CDK14: variants seen among roughly 807,000 people sequenced by gnomAD.
CDK14 encodes the protein cyclin dependent kinase 14.
CDK14 carries 34 observed loss-of-function variants against 60.7 expected under a neutral mutation model. The observed-to-expected ratio is 0.56, with a 90% CI of 0.43 to 0.75. The LOEUF (loss-of-function observed/expected upper bound fraction) is 0.75. Among genes scored for constraint, CDK14 ranks in the 30% least tolerant of loss-of-function variants. CDK14 has a pLI of 0.00. For missense variants in CDK14, 482 were observed against 564.1 expected, an observed-to-expected ratio of 0.85 and a Z score of 1.47; for synonymous variants, 197 against 203.7, an observed-to-expected ratio of 0.97 and a Z score of 0.28.
intron 6 of CDK14, among the ~76,000 whole-genome samples, chr7:90,888,204 G>T (rs920774639): frequency 8.6e-5 from 13 of 152,020 alleles, no homozygotes; most frequent in African/African-American, 2.9e-4. Flanking sequence ...ACAAAAATTA[G>T]CTGGGCATGG....
chr7:90,810,332 A>C (rs1290726726), intron 5 of CDK14, among the ~76,000 whole-genome samples: 1 of 152,220 alleles, frequency 6.6e-6, no homozygotes, highest in African/African-American at 2.4e-5. Context: ...AAATCAAAAA[A>C]ACGTAATCCA....
chr7:90,932,377 G>A (rs1179964558), intron 8 of CDK14, among the ~76,000 whole-genome samples: 2 of 152,086 alleles, frequency 1.3e-5, no homozygotes, highest in African/African-American at 2.4e-5. Context: ...TAAAATTATG[G>A]TCCAATTAAC....
At chr7:91,200,406 G>A (rs1802677715) in intron 14 of CDK14, among the ~76,000 whole-genome samples, 1 of 152,142 alleles carries the variant, frequency 6.6e-6, no homozygotes, top group Non-Finnish European at 1.5e-5. Flanking sequence ...AGATGAATTA[G>A]GTAAAACAAT....
chr7:91,010,574 GT>G (rs918488138), intron 10 of CDK14, among the ~76,000 whole-genome samples: 4 of 151,624 alleles, frequency 2.6e-5, no homozygotes, highest in African/African-American at 9.7e-5. Flanking sequence ...AATGAAATTG[GT>G]TTTTTTATAT....
At chr7:90,801,040 T>C (rs909802794) in intron 5 of CDK14, among the ~76,000 whole-genome samples, 4 of 152,240 alleles carry the variant, frequency 2.6e-5, no homozygotes, top group Non-Finnish European at 5.9e-5. Context: ...TTAACTTAGC[T>C]AATTATGTCT....
chr7:90,724,118 A>T (rs2116698668), intron 2 of CDK14, among the ~76,000 whole-genome samples: 1 of 151,222 alleles, frequency 6.6e-6, no homozygotes, highest in East Asian at 1.9e-4. Flanking sequence ...TGTCATAGAC[A>T]CAGGCCTATT....
chr7:91,118,744 G>A (rs892957405), intron 14 of CDK14, among the ~76,000 whole-genome samples: 1 of 152,178 alleles, frequency 6.6e-6, no homozygotes, highest in Non-Finnish European at 1.5e-5. Flanking sequence ...GTTTAGTTTA[G>A]CTCCCATCTG....
chr7:91,092,041 T>A (rs1362929951), intron 12 of CDK14, among the ~76,000 whole-genome samples: 1 of 152,168 alleles, frequency 6.6e-6, no homozygotes, highest in African/African-American at 2.4e-5. Context: ...TTAATCCTAT[T>A]TATTTGTCTT....
chr7:90,925,679 T>G (rs555947842), intron 8 of CDK14, among the ~76,000 whole-genome samples: 1 of 152,236 alleles, frequency 6.6e-6, no homozygotes, highest in East Asian at 1.9e-4. Context: ...CTGAACAACA[T>G]AGCAAGACCT....
At chr7:90,907,046 G>T (rs1245892059) in intron 7 of CDK14, among the ~76,000 whole-genome samples, 2 of 151,928 alleles carry the variant, frequency 1.3e-5, no homozygotes, top group Admixed American at 6.6e-5. Flanking sequence ...ATCAATTTTT[G>T]ACAAAGTAAT....
At chr7:91,060,779 T>C (rs1322879355) in intron 11 of CDK14, among the ~76,000 whole-genome samples, 1 of 152,248 alleles carries the variant, frequency 6.6e-6, no homozygotes, top group Non-Finnish European at 1.5e-5. Flanking sequence ...GCTGTTAGTA[T>C]GATGGGCTTC....
At chr7:90,645,251 T>A (rs1800439250) in intron 2 of CDK14, among the ~76,000 whole-genome samples, 1 of 152,196 alleles carries the variant, frequency 6.6e-6, no homozygotes, top group Admixed American at 6.5e-5. Context: ...CCTCAGTTTT[T>A]TTCAGGTATT....
chr7:91,027,477 A>G (rs1164349828), intron 10 of CDK14, among the ~76,000 whole-genome samples: 4 of 152,120 alleles, frequency 2.6e-5, no homozygotes, highest in South Asian at 2.1e-4. Flanking sequence ...TTTCAACTCT[A>G]TGTAATTTAC....
intron 8 of CDK14, among the ~76,000 whole-genome samples, chr7:90,929,244 C>T (rs1388067036): frequency 6.6e-6 from 1 of 152,238 alleles, no homozygotes; most frequent in South Asian, 2.1e-4. Flanking sequence ...ATGAGATGAA[C>T]GTGGTACCTC....
At chr7:91,124,101 T>C (rs1799867661) in intron 14 of CDK14, among the ~76,000 whole-genome samples, 1 of 152,128 alleles carries the variant, frequency 6.6e-6, no homozygotes, top group Non-Finnish European at 1.5e-5. Flanking sequence ...TTGTCTCAGC[T>C]GGTCTCAAAC....
At chr7:91,145,282 CT>C (rs1001201859) in intron 14 of CDK14, among the ~76,000 whole-genome samples, 2 of 151,998 alleles carry the variant, frequency 1.3e-5, no homozygotes, top group African/African-American at 2.4e-5. Flanking sequence ...TTTAGACATA[CT>C]TTTTTTTAGA....
chr7:90,696,336 C>CTTCTTTTTTT (rs772009194), intron 2 of CDK14, among the ~76,000 whole-genome samples: 5 of 125,692 alleles, frequency 4.0e-5, no homozygotes, highest in Non-Finnish European at 8.4e-5. Context: ...ACTTCTTCTT[C>CTTCTTTTTTT]TTTTTTTTTT....
At chr7:90,746,864 T>C (rs1388929416) in intron 3 of CDK14, among the ~76,000 whole-genome samples, 1 of 152,212 alleles carries the variant, frequency 6.6e-6, no homozygotes, top group Non-Finnish European at 1.5e-5. Context: ...GAGAGTTCCA[T>C]TTTGTATTAG....
chr7:90,769,522 A>C (rs78770973), intron 4 of CDK14, among the ~76,000 whole-genome samples: 3,119 of 148,880 alleles, frequency 0.021, 97 homozygotes, highest in African/African-American at 0.071. Flanking sequence ...GCTGGAATAC[A>C]TTGGCACCAT....
Sources: gnomAD v4.1 joint callset for allele counts (sites outside exome capture counted in the v4.1 genomes callset) on GRCh38, gnomAD v4.1.1 for gene constraint, MANE v1.5 for transcripts, NCBI Gene and HGNC (gene_info 2026-07-23, HGNC 2026-07-21) for gene names.